The following AGBL1 variants were observed in gnomAD, a reference collection of about 807,000 sequenced individuals.
AGBL1 encodes the protein cytosolic carboxypeptidase 4.
Under a neutral mutation model 118.9 loss-of-function variants are expected in AGBL1, and 130 were observed. That is an observed-to-expected ratio of 1.09 (90% CI 0.95 to 1.26). AGBL1 has a LOEUF of 1.26. AGBL1 is among the 50% of genes most tolerant of loss of function. The pLI is 0.00. For missense variants in AGBL1, 1,584 were observed against 1,298.1 expected, an observed-to-expected ratio of 1.22 and a Z score of -3.38; for synonymous variants, 555 against 478.9, an observed-to-expected ratio of 1.16 and a Z score of -2.08.
At chr15:86,509,725 T>C (rs953473742) in intron 18 of AGBL1, among the ~76,000 whole-genome samples, 4 of 152,258 alleles carry the variant, frequency 2.6e-5, no homozygotes, top group Admixed American at 2.6e-4. Flanking sequence ...TTCTCTTCCC[T>C]TATTTATGTC....
At chr15:86,840,108 T>C (rs1018468481) in intron 22 of AGBL1, among the ~76,000 whole-genome samples, 4 of 152,230 alleles carry the variant, frequency 2.6e-5, no homozygotes, top group African/African-American at 9.6e-5. Context: ...TCAATACCCA[T>C]GACTGGCTTC....
chr15:86,892,877 G>A (rs1404604777), intron 22 of AGBL1, among the ~76,000 whole-genome samples: 3 of 152,162 alleles, frequency 2.0e-5, no homozygotes, highest in East Asian at 3.9e-4. Context: ...TAACTGTCCC[G>A]GGTGATGATG....
intron 7 of AGBL1, among the ~76,000 whole-genome samples, chr15:86,248,489 G>A (rs1258437783): frequency 6.6e-6 from 1 of 152,188 alleles, no homozygotes; most frequent in African/African-American, 2.4e-5. Flanking sequence ...GCCTACAGCT[G>A]TGTAACTTTG....
Position 86,321,848 on chromosome 15 carries a change from T to C in AGBL1, c.2374+26440T>C, listed in dbSNP as rs1256634172. Among the ~76,000 whole-genome samples, 3 of 142,876 alleles carry C rather than the reference T, an allele frequency of 2.1e-5. No homozygotes were observed. The East Asian group carries it at 5.9e-4, about 28-fold the overall frequency. The allele number at this position is 142,876 out of a possible 152,430, so 93.7% of individuals were successfully genotyped here. On this transcript the variant is annotated intron_variant, in intron 17 of 22. Transcript: ENST00000614907. ...CTATACCACTGGCTTTTCTATGTGATATTTTCATTTTCTGTCAGTACTAAT... is the reference window on the plus strand; with the variant it reads ...CTATACCACTGGCTTTTCTATGTGACATTTTCATTTTCTGTCAGTACTAAT...
chr15:86,527,912 C>G (rs2083288635), intron 19 of AGBL1, among the ~76,000 whole-genome samples: 1 of 152,130 alleles, frequency 6.6e-6, no homozygotes. Flanking sequence ...ATATATCTGT[C>G]CATCCACTCA....
chr15:86,696,955 G>A (rs2086273342), intron 22 of AGBL1, among the ~76,000 whole-genome samples: 1 of 151,870 alleles, frequency 6.6e-6, no homozygotes. Context: ...TAGGGTTTCT[G>A]CTAAGAAATT....
Position 86,613,005 on chromosome 15 carries a change from T to C in AGBL1, c.2994+58468T>C, listed in dbSNP as rs964896171. ...TTTCCAGGCCAAACCAATGTATACC[T>C]TACATATAATGATTCATGTCTTTGT... On this transcript the variant is annotated intron_variant, in intron 21 of 22. Coordinates refer to ENST00000614907, the MANE Select transcript of AGBL1 (RefSeq NM_001386094.1). The surrounding 1 kb of genome is among the most constrained non-coding windows in gnomAD (Gnocchi z 4.2). Among the ~76,000 whole-genome samples the C allele has an allele frequency of 2.6e-5, 4 of 152,132 alleles. No individual in the cohort carries two copies. The highest frequency in any genetic ancestry group is 5.9e-5 in the Non-Finnish European group (4 of 68,040).
intron 22 of AGBL1, among the ~76,000 whole-genome samples, chr15:86,765,605 G>C (rs1434656844): frequency 6.6e-6 from 1 of 151,942 alleles, no homozygotes; most frequent in Admixed American, 6.6e-5. Flanking sequence ...GAGCTTTAAG[G>C]GGGAGAGACG....
chr15:86,101,700 G>T (rs1194645264), intron 1 of AGBL1, among the ~76,000 whole-genome samples: 1 of 147,924 alleles, frequency 6.8e-6, no homozygotes, highest in African/African-American at 2.5e-5. Context: ...ACTGCTGTTT[G>T]CTTTTGATTC....
intron 1 of AGBL1, among the ~76,000 whole-genome samples, chr15:86,085,204 G>C (rs75943357): frequency 0.013 from 2,021 of 152,318 alleles, 30 homozygotes; most frequent in South Asian, 0.075. Context: ...CTCCTGATTA[G>C]AGATTCAGGG....
At chr15:86,258,275 T>G (rs60467151) in intron 9 of AGBL1, among the ~76,000 whole-genome samples, 1,873 of 152,298 alleles carry the variant, frequency 0.012, 53 homozygotes, top group African/African-American at 0.043. Flanking sequence ...TATACATTAT[T>G]ATGACACCAA....
chr15:86,297,677 A>G (rs2079667633), intron 17 of AGBL1, among the ~76,000 whole-genome samples: 1 of 152,186 alleles, frequency 6.6e-6, no homozygotes, highest in Non-Finnish European at 1.5e-5. Context: ...TACTATTTGT[A>G]TGGATTATGT....
At chr15:86,156,582 A>C (rs1371208893) in intron 4 of AGBL1, among the ~76,000 whole-genome samples, 1 of 152,106 alleles carries the variant, frequency 6.6e-6, no homozygotes, top group Non-Finnish European at 1.5e-5. Flanking sequence ...AGATGGGGTG[A>C]ATGGGAGAAT....
intron 24 of AGBL1, among the ~76,000 whole-genome samples, chr15:86,989,935 G>T (rs977147928): frequency 2.0e-5 from 3 of 152,210 alleles, no homozygotes; most frequent in Admixed American, 6.5e-5. Context: ...GCAAGTAACA[G>T]TGTGAGTGGG....
At chr15:86,292,156 A>G (rs1382672244) in intron 16 of AGBL1, among the ~76,000 whole-genome samples, 1 of 152,158 alleles carries the variant, frequency 6.6e-6, no homozygotes, top group Non-Finnish European at 1.5e-5. Flanking sequence ...TGAAGATGTG[A>G]TTAGAGACTT....
intron 24 of AGBL1, among the ~76,000 whole-genome samples, chr15:87,019,713 C>G (rs1023795508): frequency 1.3e-5 from 2 of 151,874 alleles, no homozygotes; most frequent in African/African-American, 4.8e-5. Flanking sequence ...ACTAAAAGAA[C>G]AAGAGGACCA....
chr15:86,982,468 C>T (rs62034339), intron 23 of AGBL1, among the ~76,000 whole-genome samples: 19,958 of 151,384 alleles, frequency 0.13, 1,337 homozygotes, highest in East Asian at 0.14. Context: ...GACTTGTGAA[C>T]AATATGAATG....
At chr15:86,263,901 A>G (rs984614232) in intron 10 of AGBL1, among the ~76,000 whole-genome samples, 1 of 152,142 alleles carries the variant, frequency 6.6e-6, no homozygotes, top group South Asian at 2.1e-4. Flanking sequence ...TAGTATAAAA[A>G]TTTTTTTCAA....
At chr15:86,609,132 C>T (rs1448991291) in intron 21 of AGBL1, among the ~76,000 whole-genome samples, 1 of 152,132 alleles carries the variant, frequency 6.6e-6, no homozygotes, top group Admixed American at 6.5e-5. Flanking sequence ...TGATCCAACC[C>T]ACACAAACCC....
Sources: gnomAD v4.1 joint callset for allele counts (sites outside exome capture counted in the v4.1 genomes callset) on GRCh38, gnomAD v4.1.1 for gene constraint, Gnocchi (gnomAD v3.1) non-coding constraint, MANE v1.5 for transcripts, NCBI Gene and HGNC (gene_info 2026-07-23, HGNC 2026-07-21) for gene names.